The following ZNF236 variants were observed in gnomAD, a reference collection of about 807,000 sequenced individuals.
The protein encoded by ZNF236 is regulated by glucose.
ZNF236 carries 50 observed loss-of-function variants against 191.2 expected under a neutral mutation model. That is an observed-to-expected ratio of 0.26 (90% confidence interval 0.21 to 0.33). ZNF236 has a LOEUF of 0.33. Ranked by LOEUF, ZNF236 falls within the 10% of genes least tolerant of loss-of-function variation. ZNF236 has a pLI of 1.00. For synonymous variants in ZNF236, 907 were observed against 928.8 expected (o/e 0.98, Z 0.43); for missense variants, 1,754 against 2,374.5 (o/e 0.74, Z 5.43).
intron 3 of ZNF236, among the ~76,000 whole-genome samples, chr18:76,855,973 T>A (rs1333677858): frequency 1.3e-5 from 2 of 152,190 alleles, no homozygotes; most frequent in African/African-American, 2.4e-5. Flanking sequence ...TATTGTCAAA[T>A]TGTTTTCCAA....
chr18:76,930,327 TTC>T (rs1388706127), intron 25 of ZNF236, among the ~76,000 whole-genome samples: 4 of 152,240 alleles, frequency 2.6e-5, no homozygotes, highest in Non-Finnish European at 5.9e-5. Context: ...TTGAATCTTT[TTC>T]TCTCTGATTT....
intron 1 of ZNF236, among the ~76,000 whole-genome samples, chr18:76,828,701 C>T (rs759021249): frequency 6.6e-6 from 1 of 152,192 alleles, no homozygotes; most frequent in Admixed American, 6.5e-5. Flanking sequence ...GAGTCTCGCT[C>T]TGTTGCCCAG....
At chr18:76,889,163 A>G (rs1977153095) in intron 9 of ZNF236, among the ~76,000 whole-genome samples, 2 of 152,180 alleles carry the variant, frequency 1.3e-5, no homozygotes, top group African/African-American at 2.4e-5. Flanking sequence ...TCTGATAAAT[A>G]TACCTCAGGC....
chr18:76,922,464 ACTCT>A (rs1267305694), intron 20 of ZNF236, among the ~76,000 whole-genome samples: 1 of 151,030 alleles, frequency 6.6e-6, no homozygotes, highest in African/African-American at 2.4e-5. Context: ...TCTTCTGTAA[ACTCT>A]CTGTGCATTG....
chr18:76,879,174 A>G (rs911492301), intron 7 of ZNF236, among the ~76,000 whole-genome samples: 2 of 152,236 alleles, frequency 1.3e-5, no homozygotes, highest in Non-Finnish European at 2.9e-5. Context: ...TGTAGTGAAT[A>G]ATCTAGAAAA....
Position 76,875,501 on chromosome 18 carries a change from C to T in ZNF236, c.677C>T (p.Pro226Leu). ...RHIRIHTGER[P>L]FKCSECGKAF... ...TTTTCTCCCACTCTAGGTGAAAGGCCGTTCAAATGTAGTGAATGTGGAAAG... is the reference window on the plus strand; with the variant it reads ...TTTTCTCCCACTCTAGGTGAAAGGCTGTTCAAATGTAGTGAATGTGGAAAG... The change falls in exon 6 of 31, where the codon CCG becomes CTG. Residue 226 changes from proline to leucine, a missense_variant. This residue lies in a region of ZNF236 where 336 missense variants were observed against 495.1 expected (regional missense o/e 0.68). Coordinates refer to ENST00000320610, the MANE Select transcript of ZNF236 (RefSeq NM_001306089.2). This position sits in a 1 kb window ranked among gnomAD's most constrained non-coding sequence, Gnocchi z 4.3. 6.6e-7 allele frequency: 1 copy of T among 1,522,956 alleles called. No homozygotes were observed. The highest frequency in any genetic ancestry group is 8.9e-7 in the Non-Finnish European group (1 of 1,129,360). 94.3% of individuals were successfully genotyped at this position (1,522,956 alleles called of 1,614,324 possible).
intron 6 of ZNF236, 28 bp from the exon 7 acceptor site, chr18:76,877,981 A>G (rs1291939321): frequency 2.0e-6 from 3 of 1,500,602 alleles, no homozygotes; most frequent in Non-Finnish European, 2.7e-6. Flanking sequence ...ATTGTAAAAC[A>G]TCATTTTTTT....
chr18:76,890,072 C>T lies in ZNF236; in HGVS notation c.1418-4941C>T, dbSNP rs528722010. On this transcript the variant is annotated intron_variant, in intron 9 of 30. Transcript: ENST00000320610. ...GGCCGTGTGTGTAGCTGCATCATTT[C>T]ACACATGTACGTTTATCTGTAAGGA... Among the ~76,000 whole-genome samples the T allele has an allele frequency of 2.2e-4, 34 of 152,344 alleles. No individual in the cohort carries two copies. In the South Asian group the frequency reaches 6.8e-3, roughly 31 times the overall value.
intron 1 of ZNF236, chr18:76,834,344 T>G (rs1160473836): frequency 5.5e-6 from 1 of 181,058 alleles, no homozygotes; most frequent in Non-Finnish European, 1.1e-5. Flanking sequence ...TTTCTTCTCT[T>G]TATCATTTTC....
At chr18:76,902,531 G>C (rs563781927) in intron 11 of ZNF236, among the ~76,000 whole-genome samples, 49 of 151,742 alleles carry the variant, frequency 3.2e-4, no homozygotes, top group African/African-American at 1.1e-3. Context: ...CATGTGTAGG[G>C]AAGGTGGTAG....
chr18:76,836,158 G>A (rs567834641), intron 1 of ZNF236, among the ~76,000 whole-genome samples: 5 of 151,988 alleles, frequency 3.3e-5, no homozygotes, highest in East Asian at 1.9e-4. Context: ...TGCCCACCTC[G>A]GCCTCCCAAA....
chr18:76,864,883 T>C (rs1976361892), intron 3 of ZNF236, among the ~76,000 whole-genome samples: 1 of 151,756 alleles, frequency 6.6e-6, no homozygotes, highest in African/African-American at 2.4e-5. Context: ...TACTCGAAAA[T>C]ACTACTAATA....
At chr18:76,951,994 G>T (rs1452024764) in intron 27 of ZNF236, among the ~76,000 whole-genome samples, 1 of 152,200 alleles carries the variant, frequency 6.6e-6, no homozygotes, top group Non-Finnish European at 1.5e-5. Flanking sequence ...TTATGTGGGT[G>T]GGGTTTGTGG....
At chr18:76,862,290 G>T (rs1976262357) in intron 3 of ZNF236, among the ~76,000 whole-genome samples, 1 of 152,200 alleles carries the variant, frequency 6.6e-6, no homozygotes, top group Non-Finnish European at 1.5e-5. Flanking sequence ...CTGGGAAAAG[G>T]TTGGTCCAAC....
intron 27 of ZNF236, among the ~76,000 whole-genome samples, chr18:76,954,431 G>A (rs1013717273): frequency 2.6e-5 from 4 of 152,182 alleles, no homozygotes; most frequent in African/African-American, 7.2e-5. Context: ...TTGAGTTGAT[G>A]TTCTTCAGCA....
chr18:76,840,775 CTGTGTG>C (rs113251935), intron 1 of ZNF236: 22,618 of 114,792 alleles, frequency 0.2, 2,535 homozygotes, highest in Non-Finnish European at 0.26. Context: ...TCTTTATAAC[CTGTGTG>C]TGTGTGTGTG....
At chr18:76,904,913 T>C (rs1365197312) in intron 12 of ZNF236, among the ~76,000 whole-genome samples, 1 of 152,156 alleles carries the variant, frequency 6.6e-6, no homozygotes, top group African/African-American at 2.4e-5. Context: ...ATGAAAAAAG[T>C]ATAGAACTTA....
At chr18:76,924,605 T>C (rs1967625804) in intron 21 of ZNF236, among the ~76,000 whole-genome samples, 1 of 152,220 alleles carries the variant, frequency 6.6e-6, no homozygotes, top group Non-Finnish European at 1.5e-5. Flanking sequence ...ATGCTCATGG[T>C]GCTCCGAGCC....
chr18:76,855,582 T>G (rs1175620305), intron 3 of ZNF236, among the ~76,000 whole-genome samples: 1 of 152,246 alleles, frequency 6.6e-6, no homozygotes, highest in Non-Finnish European at 1.5e-5. Context: ...CATGGTATTA[T>G]ATTGTTTAAA....
Sources: gnomAD v4.1 joint callset for allele counts (sites outside exome capture counted in the v4.1 genomes callset) on GRCh38, gnomAD v4.1.1 for gene constraint, gnomAD v4.1.1 regional missense constraint, Gnocchi (gnomAD v3.1) non-coding constraint, MANE v1.5 for transcripts, NCBI Gene and HGNC (gene_info 2026-07-23, HGNC 2026-07-21) for gene names.